GRID2: variants seen among roughly 807,000 people sequenced by gnomAD.
GRID2 encodes glutamate ionotropic receptor delta type subunit 2, also known as glutamate receptor ionotropic, delta-2.
In GRID2, 33 loss-of-function variants were observed where a neutral mutation model predicts 114.8. The ratio of observed to expected loss-of-function variants is 0.29; its 90% CI spans 0.22 to 0.38. GRID2 has a LOEUF of 0.38. Ranked by LOEUF, GRID2 falls within the 10% of genes least tolerant of loss-of-function variation. The pLI, the probability that GRID2 is intolerant of heterozygous loss-of-function variation, is 1.00. For missense variants in GRID2, 1,184 were observed against 1,257.7 expected, an observed-to-expected ratio of 0.94 and a Z score of 0.89; for synonymous variants, 505 against 449.9, an observed-to-expected ratio of 1.12 and a Z score of -1.55.
At chr4:92,582,575 T>C (rs997029795) in intron 1 of GRID2, among the ~76,000 whole-genome samples, 2 of 151,932 alleles carry the variant, frequency 1.3e-5, no homozygotes, top group Non-Finnish European at 2.9e-5. Context: ...CTAGAAATTT[T>C]ATAAAAATAT....
At chr4:93,137,436 A>G (rs1370316235) in intron 4 of GRID2, among the ~76,000 whole-genome samples, 1 of 152,200 alleles carries the variant, frequency 6.6e-6, no homozygotes, top group African/African-American at 2.4e-5. Flanking sequence ...ACACAAATAT[A>G]TCACAAGGAC....
chr4:93,707,832 A>T (rs935549044), intron 14 of GRID2, among the ~76,000 whole-genome samples: 2 of 151,848 alleles, frequency 1.3e-5, no homozygotes, highest in Non-Finnish European at 2.9e-5. Context: ...TTATTGCTGT[A>T]AATCTTCCTC....
intron 8 of GRID2, among the ~76,000 whole-genome samples, chr4:93,389,051 A>G (rs1764596845): frequency 6.6e-6 from 1 of 152,234 alleles, no homozygotes; most frequent in Admixed American, 6.5e-5. Flanking sequence ...GATGCTTTAC[A>G]CTAACCTTGT....
At chr4:93,590,269 A>C (rs924378973) in intron 13 of GRID2, among the ~76,000 whole-genome samples, 2 of 150,600 alleles carry the variant, frequency 1.3e-5, no homozygotes, top group Non-Finnish European at 3.0e-5. Context: ...AGCTTTCTAC[A>C]TATGGCTAGC....
intron 11 of GRID2, among the ~76,000 whole-genome samples, chr4:93,478,738 A>C (rs1725572583): frequency 6.6e-6 from 1 of 152,084 alleles, no homozygotes. Flanking sequence ...TCTTCAAACT[A>C]GAAAAGCACA....
intron 2 of GRID2, among the ~76,000 whole-genome samples, chr4:92,668,228 G>A (rs62309232): frequency 0.061 from 9,227 of 151,776 alleles, 337 homozygotes; most frequent in East Asian, 0.16. Flanking sequence ...GATTGATGTA[G>A]GGTTATTTCC....
chr4:92,637,844 T>C (rs143596659), intron 2 of GRID2, among the ~76,000 whole-genome samples: 58 of 152,136 alleles, frequency 3.8e-4, no homozygotes, highest in Non-Finnish European at 2.2e-4. Flanking sequence ...TTATTTGTCA[T>C]GGACAAGAGT....
chr4:92,621,530 G>T (rs1432841152), intron 2 of GRID2, among the ~76,000 whole-genome samples: 2 of 151,738 alleles, frequency 1.3e-5, no homozygotes, highest in South Asian at 2.1e-4. Flanking sequence ...TGAATAGTTG[G>T]TGCATACCTA....
intron 2 of GRID2, among the ~76,000 whole-genome samples, chr4:92,943,863 G>C (rs954385158): frequency 2.6e-5 from 4 of 152,226 alleles, no homozygotes; most frequent in South Asian, 2.1e-4. Flanking sequence ...CTGTTTGCCT[G>C]AGTATCAGCA....
chr4:92,994,188 G>C (rs1312186511), intron 2 of GRID2, among the ~76,000 whole-genome samples: 2 of 152,138 alleles, frequency 1.3e-5, no homozygotes, highest in Non-Finnish European at 2.9e-5. Context: ...AAAGCAAACT[G>C]AAACATAGCA....
chr4:93,110,155 C>G (rs186810915), intron 3 of GRID2, among the ~76,000 whole-genome samples: 1 of 152,206 alleles, frequency 6.6e-6, no homozygotes. Context: ...ACCAACTTTT[C>G]CAAATTTAGC....
At position 92,411,933 on chromosome 4, in the gene GRID2, T is replaced by C. The variant is rs182092124; in HGVS notation, c.88+107189T>C. Among the ~76,000 whole-genome samples the C allele has an allele frequency of 3.2e-3, 481 of 151,838 alleles. 4 individuals carry two copies. The highest frequency in any genetic ancestry group is 0.011 in the African/African-American group (443 of 41,370). ...TGTTAGCCAGGATGGTCTCTATCTCTTGACCTTGTGATCCGCCCGCCTCGG... is the reference window on the plus strand; with the variant it reads ...TGTTAGCCAGGATGGTCTCTATCTCCTGACCTTGTGATCCGCCCGCCTCGG... On this transcript the variant is annotated intron_variant, in intron 1 of 15. Transcript: ENST00000282020.
chr4:92,633,568 A>G (rs899835531), intron 2 of GRID2, among the ~76,000 whole-genome samples: 1 of 152,074 alleles, frequency 6.6e-6, no homozygotes, highest in African/African-American at 2.4e-5. Context: ...GTTTTCCACT[A>G]TTCTTGAGTC....
At chr4:93,415,760 AAATC>A (rs1359264423) in intron 9 of GRID2, among the ~76,000 whole-genome samples, 1 of 152,062 alleles carries the variant, frequency 6.6e-6, no homozygotes, top group Non-Finnish European at 1.5e-5. Context: ...TTTATTTTAA[AAATC>A]AATCATCTTG....
chr4:93,504,609 G>T (rs554971124), intron 12 of GRID2, among the ~76,000 whole-genome samples: 2 of 151,950 alleles, frequency 1.3e-5, no homozygotes, highest in Non-Finnish European at 1.5e-5. Context: ...AACTGTATGC[G>T]TATATTTGTG....
At chr4:92,712,843 T>A (rs995023954) in intron 2 of GRID2, among the ~76,000 whole-genome samples, 3 of 152,156 alleles carry the variant, frequency 2.0e-5, no homozygotes, top group Non-Finnish European at 4.4e-5. Flanking sequence ...AATAATTCCC[T>A]TGAATATTAA....
At chr4:92,580,129 T>C (rs1728108737) in intron 1 of GRID2, among the ~76,000 whole-genome samples, 2 of 150,764 alleles carry the variant, frequency 1.3e-5, no homozygotes, top group African/African-American at 4.8e-5. Flanking sequence ...TTTGCCGTCC[T>C]TCTGAGGGAA....
At chr4:92,645,585 C>A (rs940438835) in intron 2 of GRID2, among the ~76,000 whole-genome samples, 2 of 151,586 alleles carry the variant, frequency 1.3e-5, no homozygotes, top group Non-Finnish European at 2.9e-5. Context: ...TAAGTAATAT[C>A]CAGATCAGGA....
intron 2 of GRID2, among the ~76,000 whole-genome samples, chr4:92,671,771 T>G (rs577338044): frequency 6.6e-6 from 1 of 152,152 alleles, no homozygotes; most frequent in Non-Finnish European, 1.5e-5. Flanking sequence ...GAAGATAATA[T>G]ATTCTTTTTC....
Sources: allele counts gnomAD v4.1 joint callset (sites outside exome capture counted in the v4.1 genomes callset), GRCh38; gene constraint gnomAD v4.1.1; transcripts MANE v1.5; gene names NCBI Gene and HGNC (gene_info 2026-07-23, HGNC 2026-07-21).